The following LBH variants were observed in gnomAD, a reference collection of about 807,000 sequenced individuals.
LBH encodes the protein protein LBH.
LBH carries 7 observed loss-of-function variants against 12.5 expected under a neutral mutation model. The ratio of observed to expected loss-of-function variants is 0.56; its 90% CI spans 0.32 to 1.05. The LOEUF is 1.05. Among genes scored for constraint, LBH ranks in the 50% least tolerant of loss-of-function variants. The probability of loss-of-function intolerance (pLI) is 0.04; values close to 1 mark genes in which losing one functional copy is unlikely to be tolerated. For synonymous variants in LBH, 51 were observed against 50.1 expected (o/e 1.02, Z -0.08); for missense variants, 119 against 138.9 (o/e 0.86, Z 0.72).
chr2:30,232,671 G>A (rs4133138), intron 1 of LBH: 5,897 of 155,532 alleles, frequency 0.038, 378 homozygotes, highest in African/African-American at 0.13. Flanking sequence ...GCCGCGGCGG[G>A]GTCCGGCCTG....
intron 2 of LBH, among the ~76,000 whole-genome samples, chr2:30,256,210 ATTTTAT>A (rs1678082278): frequency 6.6e-6 from 1 of 152,194 alleles, no homozygotes; most frequent in Admixed American, 6.5e-5. Flanking sequence ...TTTGGCCCTG[ATTTTAT>A]AGCTGGGTTT....
intron 2 of LBH, among the ~76,000 whole-genome samples, chr2:30,235,909 T>A (rs989151447): frequency 6.6e-6 from 1 of 151,974 alleles, no homozygotes; most frequent in African/African-American, 2.4e-5. Flanking sequence ...AAGGGGGAAC[T>A]CTCTTTGCTA....
chr2:30,251,146 C>G (rs1319893838), intron 2 of LBH, among the ~76,000 whole-genome samples: 1 of 147,386 alleles, frequency 6.8e-6, no homozygotes, highest in Non-Finnish European at 1.5e-5. Context: ...CCTTAACCTT[C>G]CAGGCTCAGG....
intron 1 of LBH, chr2:30,232,360 G>C: frequency 1.8e-6 from 2 of 1,087,446 alleles, no homozygotes; most frequent in Non-Finnish European, 2.5e-6. Context: ...ACGCACATTG[G>C]TGGGGGCCGG....
In LBH at chr2:30,231,596, C is replaced by T. The variant is rs578189843; in HGVS notation, c.-143C>T. 1,346 of 747,058 alleles carry T rather than the reference C, an allele frequency of 1.8e-3. 7 individuals carry two copies. Among genetic ancestry groups the T allele is most frequent in the East Asian group, 6.5e-3 (215 of 32,862 alleles). 46.3% of individuals were successfully genotyped at this position (747,058 alleles called of 1,614,324 possible). A position where few individuals can be genotyped will look rare whatever the true frequency, so the allele number is the denominator to read the frequency against. ...CTTGCCGACGTCGCTAGCCGTGGGG[C>T]TGTCCTGGGAAGGCGGACGGCGAGC... is the stretch of plus-strand genomic sequence containing the variant. On this transcript the variant is annotated 5_prime_UTR_variant, in exon 1 of 3. Coordinates refer to ENST00000395323, the MANE Select transcript of LBH (RefSeq NM_030915.4).
chr2:30,243,149 A>G (rs1366825795), intron 2 of LBH, among the ~76,000 whole-genome samples: 2 of 152,200 alleles, frequency 1.3e-5, no homozygotes, highest in African/African-American at 2.4e-5. Context: ...ACATCTTCCT[A>G]TTGTTTGTTA....
intron 2 of LBH, among the ~76,000 whole-genome samples, chr2:30,255,654 T>C (rs1448261326): frequency 2.0e-5 from 3 of 152,080 alleles, no homozygotes; most frequent in Non-Finnish European, 2.9e-5. Context: ...GTGGTGAGAG[T>C]GTGACTTGGC....
At chr2:30,252,656 C>G (rs1228771309) in intron 2 of LBH, among the ~76,000 whole-genome samples, 1 of 149,924 alleles carries the variant, frequency 6.7e-6, no homozygotes. Context: ...AGCGAGACTC[C>G]GTCTCAAAAA....
intron 2 of LBH, among the ~76,000 whole-genome samples, chr2:30,257,153 T>G (rs1275262640): frequency 1.3e-5 from 2 of 152,208 alleles, no homozygotes; most frequent in Non-Finnish European, 1.5e-5. Context: ...AAATACAGAA[T>G]CCAAACAGAA....
At chr2:30,235,260 T>C (rs567274198) in intron 2 of LBH, among the ~76,000 whole-genome samples, 1 of 152,260 alleles carries the variant, frequency 6.6e-6, no homozygotes, top group East Asian at 1.9e-4. Context: ...CCCTCTGGGC[T>C]GTGAGCTGGT....
At chr2:30,252,790 A>G (rs192767833) in intron 2 of LBH, among the ~76,000 whole-genome samples, 35 of 152,334 alleles carry the variant, frequency 2.3e-4, no homozygotes, top group East Asian at 7.7e-4. Context: ...TGGCAGCCCA[A>G]TGTGGCTGCT....
intron 2 of LBH, among the ~76,000 whole-genome samples, chr2:30,235,344 G>A (rs1310543410): frequency 6.6e-6 from 1 of 152,142 alleles, no homozygotes; most frequent in East Asian, 1.9e-4. Context: ...GGAAGACCTT[G>A]GAGCTAGGGA....
At chr2:30,232,115 G>A in intron 1 of LBH, 5 of 1,544,080 alleles carry the variant, frequency 3.2e-6, no homozygotes, top group Non-Finnish European at 4.4e-6. Flanking sequence ...CTTGGCGCAG[G>A]GGGGCTCCTG....
intron 2 of LBH, among the ~76,000 whole-genome samples, chr2:30,243,820 C>T (rs771905263): frequency 2.0e-5 from 3 of 151,812 alleles, no homozygotes; most frequent in East Asian, 3.9e-4. Flanking sequence ...TGAGCCACTG[C>T]GCCTGGCCTG....
At chr2:30,246,801 C>G (rs1189331482) in intron 2 of LBH, among the ~76,000 whole-genome samples, 3 of 131,046 alleles carry the variant, frequency 2.3e-5, no homozygotes, top group Non-Finnish European at 5.3e-5. Flanking sequence ...TCCTTCCTCA[C>G]TCACTCCCTC....
At chr2:30,251,372 CT>C (rs903501091) in intron 2 of LBH, among the ~76,000 whole-genome samples, 1 of 152,170 alleles carries the variant, frequency 6.6e-6, no homozygotes, top group African/African-American at 2.4e-5. Flanking sequence ...TACAGACCAT[CT>C]CTTCCTGCTA....
intron 2 of LBH, among the ~76,000 whole-genome samples, chr2:30,256,257 A>G (rs1678083329): frequency 6.6e-6 from 1 of 152,194 alleles, no homozygotes; most frequent in South Asian, 2.1e-4. Flanking sequence ...GCAGGACACA[A>G]AGTAGGCATT....
In LBH at chr2:30,234,409, G is replaced by A. The variant is rs569920295; in HGVS notation, c.31G>A (p.Asp11Asn). MSIYFPIHCP[D>N]YLRSAKMTEV... ...TTGGTCTGGGTTTCTTGGCAGCCCC[G>A]ACTATCTGAGATCGGCCAAGATGAC... The change falls in exon 2 of 3, where the codon GAC becomes AAC. Residue 11 changes from aspartate to asparagine, a missense_variant. Transcript: ENST00000395323. 21 of 1,613,848 alleles carry A rather than the reference G, an allele frequency of 1.3e-5. No homozygotes were observed. The highest frequency in any genetic ancestry group is 1.7e-4 in the Middle Eastern group (1 of 6,060).
chr2:30,239,564 G>A (rs1451105483), intron 2 of LBH, among the ~76,000 whole-genome samples: 2 of 152,204 alleles, frequency 1.3e-5, no homozygotes, highest in Admixed American at 1.3e-4. Context: ...GAGAGACATA[G>A]AGCTAAAAAT....
Sources: allele counts gnomAD v4.1 joint callset (sites outside exome capture counted in the v4.1 genomes callset), GRCh38; gene constraint gnomAD v4.1.1; transcripts MANE v1.5; gene names NCBI Gene and HGNC (gene_info 2026-07-23, HGNC 2026-07-21).